GABRG3: variants seen among roughly 807,000 people sequenced by gnomAD.
GABRG3 encodes gamma-aminobutyric acid type A receptor subunit gamma3.
Under a neutral mutation model 48.8 loss-of-function variants are expected in GABRG3, and 25 were observed. The ratio of observed to expected loss-of-function variants is 0.51; its 90% CI spans 0.37 to 0.72. The LOEUF (loss-of-function observed/expected upper bound fraction) is 0.72, where lower values mean the gene tolerates loss of function less well. Ranked by LOEUF, GABRG3 falls within the 30% of genes least tolerant of loss-of-function variation. GABRG3 has a pLI of 0.00. For missense variants in GABRG3, 394 were observed against 577.9 expected, an observed-to-expected ratio of 0.68 and a Z score of 3.26; for synonymous variants, 227 against 217.6, an observed-to-expected ratio of 1.04 and a Z score of -0.38.
At chr15:27,378,295 C>T (rs1208421120) in intron 5 of GABRG3, among the ~76,000 whole-genome samples, 1 of 152,160 alleles carries the variant, frequency 6.6e-6, no homozygotes, top group Non-Finnish European at 1.5e-5. Flanking sequence ...TCTCCCTTCA[C>T]AGCTTTCCCC....
chr15:27,001,728 T>C (rs1030352525), intron 2 of GABRG3, among the ~76,000 whole-genome samples: 2 of 152,114 alleles, frequency 1.3e-5, no homozygotes, highest in African/African-American at 4.8e-5. Flanking sequence ...CACTGCTAGG[T>C]TGTGGAAAGA....
intron 5 of GABRG3, among the ~76,000 whole-genome samples, chr15:27,376,230 T>C (rs2140560051): frequency 6.6e-6 from 1 of 152,358 alleles, no homozygotes; most frequent in South Asian, 2.1e-4. Flanking sequence ...CTTGGGTGGT[T>C]CTGCCCTTGT....
chr15:27,091,925 A>G (rs925189938), intron 3 of GABRG3, among the ~76,000 whole-genome samples: 5 of 152,066 alleles, frequency 3.3e-5, no homozygotes, highest in African/African-American at 1.2e-4. Flanking sequence ...CCCTGTGGCT[A>G]TCTTTCGGCA....
intron 3 of GABRG3, among the ~76,000 whole-genome samples, chr15:27,249,425 A>G (rs976585418): frequency 6.6e-6 from 1 of 152,204 alleles, no homozygotes; most frequent in South Asian, 2.1e-4. Flanking sequence ...ATGACCCCTG[A>G]GTCCCAAATG....
intron 6 of GABRG3, among the ~76,000 whole-genome samples, chr15:27,494,987 A>G (rs745498915): frequency 3.3e-5 from 5 of 152,162 alleles, no homozygotes; most frequent in Non-Finnish European, 7.4e-5. Flanking sequence ...AACTCTCATT[A>G]AGCACTACTT....
chr15:27,030,186 G>T (rs7168179), intron 3 of GABRG3, among the ~76,000 whole-genome samples: 5 of 152,004 alleles, frequency 3.3e-5, no homozygotes, highest in Non-Finnish European at 5.9e-5. Context: ...TGTATTGGGG[G>T]TTTGACCGTA....
chr15:27,338,096 A>T (rs1894036635), intron 5 of GABRG3, among the ~76,000 whole-genome samples: 1 of 151,982 alleles, frequency 6.6e-6, no homozygotes, highest in Non-Finnish European at 1.5e-5. Flanking sequence ...CTTGGGGGAG[A>T]TTCTGCTATT....
intron 3 of GABRG3, among the ~76,000 whole-genome samples, chr15:27,067,161 C>T (rs1303948339): frequency 6.6e-6 from 1 of 152,164 alleles, no homozygotes; most frequent in Non-Finnish European, 1.5e-5. Flanking sequence ...TTCTCCCGTC[C>T]CTCCAGTGGG....
intron 3 of GABRG3, among the ~76,000 whole-genome samples, chr15:27,274,794 C>CA (rs1255652945): frequency 6.6e-6 from 1 of 152,146 alleles, no homozygotes; most frequent in African/African-American, 2.4e-5. Context: ...AATGCCCAAA[C>CA]AATTATTATA....
chr15:27,171,918 A>G (rs992221485), intron 3 of GABRG3, among the ~76,000 whole-genome samples: 16 of 152,304 alleles, frequency 1.1e-4, no homozygotes, highest in African/African-American at 3.1e-4. Context: ...TGGAGGCTGG[A>G]AAGTCCAAGA....
In GABRG3 at chr15:27,240,060, C is replaced by A. The variant is rs1890088904; in HGVS notation, c.271-86749C>A. 2.0e-5 allele frequency among the ~76,000 whole-genome samples: 3 copies of A among 152,332 alleles called. No individual in the cohort carries two copies. In the South Asian group the frequency reaches 6.2e-4, roughly 32 times the overall value. On this transcript the variant is annotated intron_variant, in intron 3 of 9. Transcript: ENST00000615808. ...AAAATGCCTAATTAATTAGTGTCATCAATTACTTAGTAATTTCCCTGAATT... is the reference window on the plus strand; with the variant it reads ...AAAATGCCTAATTAATTAGTGTCATAAATTACTTAGTAATTTCCCTGAATT...
At chr15:27,192,731 CCG>C (rs1888361460) in intron 3 of GABRG3, among the ~76,000 whole-genome samples, 2 of 152,220 alleles carry the variant, frequency 1.3e-5, no homozygotes, top group African/African-American at 4.8e-5. Context: ...TCGTCATTCT[CCG>C]TCCAGCTTTG....
intron 2 of GABRG3, among the ~76,000 whole-genome samples, chr15:27,009,235 T>C (rs987892420): frequency 2.0e-4 from 31 of 152,148 alleles, no homozygotes; most frequent in Non-Finnish European, 3.4e-4. Context: ...TAGCAAACCG[T>C]GTAGAACAAG....
At chr15:27,114,476 T>G (rs2140372465) in intron 3 of GABRG3, among the ~76,000 whole-genome samples, 1 of 152,344 alleles carries the variant, frequency 6.6e-6, no homozygotes, top group Admixed American at 6.5e-5. Flanking sequence ...GACTTTATTC[T>G]TTATTTGCTT....
chr15:27,002,941 G>A (rs1001799240), intron 2 of GABRG3, among the ~76,000 whole-genome samples: 4 of 151,370 alleles, frequency 2.6e-5, no homozygotes, highest in Non-Finnish European at 4.4e-5. Context: ...TTCCAGCCTG[G>A]GTAACAGAAT....
At chr15:27,358,247 A>T (rs1894905539) in intron 5 of GABRG3, among the ~76,000 whole-genome samples, 1 of 152,196 alleles carries the variant, frequency 6.6e-6, no homozygotes, top group African/African-American at 2.4e-5. Flanking sequence ...TCTGAAAATA[A>T]CCATAGTTTG....
chr15:27,308,432 C>A (rs558021779), intron 3 of GABRG3, among the ~76,000 whole-genome samples: 1 of 144,172 alleles, frequency 6.9e-6, no homozygotes, highest in Admixed American at 6.9e-5. Flanking sequence ...TGTAAACATA[C>A]CTGTTTATAT....
intron 3 of GABRG3, among the ~76,000 whole-genome samples, chr15:27,155,546 GCTGT>G (rs1488245905): frequency 1.3e-5 from 2 of 152,122 alleles, no homozygotes; most frequent in African/African-American, 4.8e-5. Flanking sequence ...TCTTATTTAA[GCTGT>G]CTGTTTTGGC....
chr15:27,361,807 G>A (rs922546453), intron 5 of GABRG3, among the ~76,000 whole-genome samples: 7 of 152,206 alleles, frequency 4.6e-5, no homozygotes, highest in Non-Finnish European at 1.0e-4. Context: ...AGAACACGAC[G>A]TGTCAATTAA....
Sources: allele counts gnomAD v4.1 joint callset (sites outside exome capture counted in the v4.1 genomes callset), GRCh38; gene constraint gnomAD v4.1.1; transcripts MANE v1.5; gene names NCBI Gene and HGNC (gene_info 2026-07-23, HGNC 2026-07-21).